Variants in ANO2 observed in about 807,000 individuals in gnomAD.
The protein encoded by ANO2 is anoctamin-2.
ANO2 carries 101 observed loss-of-function variants against 124.2 expected under a neutral mutation model. The ratio of observed to expected loss-of-function variants is 0.81; its 90% CI spans 0.69 to 0.96. The LOEUF (loss-of-function observed/expected upper bound fraction) is 0.96, where lower values mean the gene tolerates loss of function less well. ANO2 is among the 40% of genes least tolerant of loss of function. ANO2 has a pLI of 0.00. For synonymous variants in ANO2, 486 were observed against 482.5 expected (o/e 1.01, Z -0.09); for missense variants, 1,293 against 1,274.5 (o/e 1.01, Z -0.22).
intron 10 of ANO2, among the ~76,000 whole-genome samples, chr12:5,784,437 C>G (rs1344533543): frequency 6.6e-6 from 1 of 152,130 alleles, no homozygotes; most frequent in East Asian, 1.9e-4. Flanking sequence ...TGTAAGTATT[C>G]GTTGAATCGT....
chr12:5,585,717 C>T (rs1943078184), intron 20 of ANO2, among the ~76,000 whole-genome samples: 1 of 152,170 alleles, frequency 6.6e-6, no homozygotes, highest in Admixed American at 6.5e-5. Flanking sequence ...ATCCCTCCAT[C>T]CTCTCATTTG....
rs746291533 is a variant in ANO2 at position 5,921,234 on chromosome 12, G to C, written c.340C>G (p.Leu114Val). 6.2e-7 allele frequency: 1 copy of C among 1,613,968 alleles called. No individual in the cohort carries two copies. Among genetic ancestry groups the C allele is most frequent in the African/African-American group, 1.3e-5 (1 of 75,054 alleles). The change falls in exon 3 of 25, where the codon CTG becomes GTG. Residue 114 changes from leucine to valine, a missense_variant. Leu to Val is a conservative substitution (Grantham distance 32). Coordinates refer to ENST00000682330, the MANE Select transcript of ANO2 (RefSeq NM_001364791.2). ...AYHYRKRGVH[L>V]AQGFPGHSLA... ...GAGTGGCCAGGGAAGCCTTGGGCCA[G>C]GTGCACCCCGCGTTTCCGGTAGTGG...
At chr12:5,815,141 A>G (rs561228444) in intron 7 of ANO2, among the ~76,000 whole-genome samples, 2 of 152,336 alleles carry the variant, frequency 1.3e-5, no homozygotes, top group East Asian at 1.9e-4. Context: ...AGCAGCTAAA[A>G]TAGATCTCAC....
In ANO2 at chr12:5,913,872, C is replaced by T. The variant is rs59714542; in HGVS notation, c.534+7168G>A. ...AAGACAGAATTTCTGAAAGTCACCC[C>T]GACCTCTTCCTGAAAAGGAGGTGGA... On this transcript the variant is annotated intron_variant, in intron 3 of 24. Coordinates refer to ENST00000682330, the MANE Select transcript of ANO2 (RefSeq NM_001364791.2). Among the ~76,000 whole-genome samples the T allele has an allele frequency of 3.9e-3, 594 of 152,320 alleles. 6 individuals carry two copies. Among genetic ancestry groups the T allele is most frequent in the African/African-American group, 0.013 (536 of 41,574 alleles).
At chr12:5,643,490 T>C (rs748278797) in intron 15 of ANO2, among the ~76,000 whole-genome samples, 1 of 152,218 alleles carries the variant, frequency 6.6e-6, no homozygotes, top group Non-Finnish European at 1.5e-5. Context: ...TGAGTTATTA[T>C]AAGCAGGGCT....
chr12:5,859,463 C>T (rs1032654248), intron 3 of ANO2, among the ~76,000 whole-genome samples: 7 of 152,140 alleles, frequency 4.6e-5, no homozygotes, highest in African/African-American at 9.7e-5. Context: ...CCCAAGAAGA[C>T]GGTGTGAGTA....
chr12:5,822,087 C>T (rs971292700), intron 7 of ANO2, among the ~76,000 whole-genome samples: 2 of 152,182 alleles, frequency 1.3e-5, no homozygotes, highest in African/African-American at 4.8e-5. Flanking sequence ...CTTTCTAGGA[C>T]ATCCCTAAGG....
chr12:5,779,164 T>C (rs865785902), intron 10 of ANO2, among the ~76,000 whole-genome samples: 3 of 152,370 alleles, frequency 2.0e-5, no homozygotes, highest in Middle Eastern at 3.4e-3. Flanking sequence ...ATCTGATTAA[T>C]TGTGAAAATT....
At chr12:5,746,960 T>C (rs895262419) in intron 11 of ANO2, among the ~76,000 whole-genome samples, 12 of 152,240 alleles carry the variant, frequency 7.9e-5, no homozygotes, top group African/African-American at 2.7e-4. Flanking sequence ...AGAGGTATCA[T>C]GCACGCATGG....
chr12:5,679,707 G>A (rs7135325), intron 14 of ANO2, among the ~76,000 whole-genome samples: 76,463 of 152,166 alleles, frequency 0.5, 21,189 homozygotes, highest in Middle Eastern at 0.62. Context: ...AATTACTTCA[G>A]CCGTTGTGGA....
intron 13 of ANO2, among the ~76,000 whole-genome samples, chr12:5,733,771 CAGG>C (rs1219281191): frequency 5.9e-5 from 9 of 152,380 alleles, no homozygotes; most frequent in African/African-American, 2.2e-4. Flanking sequence ...CCACCCCTTC[CAGG>C]AGGACTTCTC....
chr12:5,916,103 C>T (rs1429951123), intron 3 of ANO2, among the ~76,000 whole-genome samples: 1 of 151,824 alleles, frequency 6.6e-6, no homozygotes, highest in Non-Finnish European at 1.5e-5. Context: ...ATGGTGAAGC[C>T]CCGTCTCTAC....
At chr12:5,942,663 T>C (rs1247605322) in intron 1 of ANO2, among the ~76,000 whole-genome samples, 2 of 152,254 alleles carry the variant, frequency 1.3e-5, no homozygotes, top group Non-Finnish European at 2.9e-5. Flanking sequence ...CTCCTTGCCA[T>C]GGGTTCTTTT....
At chr12:5,881,040 C>T (rs1028870517) in intron 3 of ANO2, among the ~76,000 whole-genome samples, 2 of 152,004 alleles carry the variant, frequency 1.3e-5, no homozygotes, top group African/African-American at 4.8e-5. Flanking sequence ...TTTCCAGAAC[C>T]AGAGCAATGG....
At chr12:5,626,322 C>T (rs991636656) in intron 16 of ANO2, among the ~76,000 whole-genome samples, 1 of 152,098 alleles carries the variant, frequency 6.6e-6, no homozygotes, top group Non-Finnish European at 1.5e-5. Context: ...CCTGGAGATG[C>T]GGGTGGAGGT....
intron 10 of ANO2, among the ~76,000 whole-genome samples, chr12:5,794,312 C>T (rs890947933): frequency 3.9e-5 from 6 of 152,034 alleles, no homozygotes; most frequent in South Asian, 4.1e-4. Flanking sequence ...CCTGCTAATT[C>T]GTGGGGCAGA....
chr12:5,851,702 G>A (rs1344768086), intron 4 of ANO2, among the ~76,000 whole-genome samples: 1 of 146,102 alleles, frequency 6.8e-6, no homozygotes, highest in African/African-American at 2.5e-5. Context: ...AAAAAAAAAA[G>A]AGAGATGTGG....
At chr12:5,706,641 C>T (rs953419019) in intron 14 of ANO2, among the ~76,000 whole-genome samples, 1 of 152,160 alleles carries the variant, frequency 6.6e-6, no homozygotes, top group Admixed American at 6.5e-5. Context: ...CATCCTGATA[C>T]ATTATGTATT....
intron 4 of ANO2, among the ~76,000 whole-genome samples, chr12:5,853,075 T>C (rs1008861579): frequency 6.6e-6 from 1 of 151,654 alleles, no homozygotes. Context: ...AAGAATGGAG[T>C]ATCTGTGAGC....
Sources: gnomAD v4.1 joint callset for allele counts (sites outside exome capture counted in the v4.1 genomes callset) on GRCh38, gnomAD v4.1.1 for gene constraint, MANE v1.5 for transcripts, NCBI Gene and HGNC (gene_info 2026-07-23, HGNC 2026-07-21) for gene names.